Variants in ADCY8 observed in about 807,000 individuals in gnomAD.
The protein encoded by ADCY8 is adenylate cyclase type 8.
A neutral mutation model predicts 119.7 loss-of-function variants in ADCY8; 51 were observed. The ratio of observed to expected loss-of-function variants is 0.43; its 90% CI spans 0.34 to 0.54. The LOEUF is 0.54. Ranked by LOEUF, ADCY8 falls within the 20% of genes least tolerant of loss-of-function variation. The pLI is 0.03. For synonymous variants in ADCY8, 665 were observed against 651.0 expected (o/e 1.02, Z -0.33); for missense variants, 1,383 against 1,598.8 (o/e 0.87, Z 2.30).
At chr8:130,862,738 A>C (rs1279696723) in intron 9 of ADCY8, among the ~76,000 whole-genome samples, 2 of 152,182 alleles carry the variant, frequency 1.3e-5, no homozygotes, top group Non-Finnish European at 2.9e-5. Context: ...TGTCTCTTGA[A>C]ATCTTTCACT....
intron 9 of ADCY8, among the ~76,000 whole-genome samples, chr8:130,862,729 G>C (rs1817981163): frequency 6.6e-6 from 1 of 152,106 alleles, no homozygotes; most frequent in Non-Finnish European, 1.5e-5. Context: ...ATTTTTAAAT[G>C]TCTCTTGAAA....
chr8:131,014,247 T>G (rs1483597904), intron 1 of ADCY8, among the ~76,000 whole-genome samples: 1 of 152,198 alleles, frequency 6.6e-6, no homozygotes, highest in East Asian at 1.9e-4. Context: ...TTTTTCAAAT[T>G]TACTCATTTC....
chr8:130,988,370 C>T (rs963462851), intron 2 of ADCY8, among the ~76,000 whole-genome samples: 24 of 152,250 alleles, frequency 1.6e-4, no homozygotes, highest in African/African-American at 5.5e-4. Flanking sequence ...CTAAAAGAAG[C>T]CTACACAGTA....
intron 8 of ADCY8, among the ~76,000 whole-genome samples, chr8:130,876,335 G>A (rs1286072222): frequency 6.6e-6 from 1 of 152,148 alleles, no homozygotes; most frequent in East Asian, 1.9e-4. Context: ...ACAGGCATAA[G>A]TGACCACTCC....
chr8:131,002,870 A>G (rs780073272), intron 1 of ADCY8, among the ~76,000 whole-genome samples: 3 of 152,172 alleles, frequency 2.0e-5, no homozygotes, highest in Non-Finnish European at 4.4e-5. Context: ...GAATGAAAAG[A>G]AAAAGAACAG....
chr8:130,842,720 A>G (rs1300333746), intron 11 of ADCY8, among the ~76,000 whole-genome samples: 1 of 152,032 alleles, frequency 6.6e-6, no homozygotes, highest in Admixed American at 6.6e-5. Flanking sequence ...AATAATAAAA[A>G]ACTTAGCTCG....
chr8:130,877,969 C>T (rs552039354), intron 8 of ADCY8, among the ~76,000 whole-genome samples: 1 of 152,200 alleles, frequency 6.6e-6, no homozygotes, highest in East Asian at 1.9e-4. Context: ...GAGGGTCTTG[C>T]CTTGTGCAGG....
chr8:130,922,190 A>T (rs1820329053), intron 5 of ADCY8, among the ~76,000 whole-genome samples: 1 of 151,654 alleles, frequency 6.6e-6, no homozygotes, highest in South Asian at 2.1e-4. Flanking sequence ...CTAGAACTAT[A>T]AGAAATAAAT....
intron 13 of ADCY8, among the ~76,000 whole-genome samples, chr8:130,816,155 T>C (rs1036090226): frequency 6.6e-6 from 1 of 152,200 alleles, no homozygotes; most frequent in African/African-American, 2.4e-5. Flanking sequence ...AAAGACCATA[T>C]GCAAAAGGTT....
At chr8:130,820,579 TTTTC>T (rs1816477433) in intron 13 of ADCY8, among the ~76,000 whole-genome samples, 1 of 152,164 alleles carries the variant, frequency 6.6e-6, no homozygotes, top group Non-Finnish European at 1.5e-5. Context: ...TGAAGAATAA[TTTTC>T]TTTCTCGAAG....
At chr8:130,930,493 C>G (rs990745560) in intron 5 of ADCY8, among the ~76,000 whole-genome samples, 9 of 152,124 alleles carry the variant, frequency 5.9e-5, no homozygotes, top group African/African-American at 2.2e-4. Flanking sequence ...CCTCACGATC[C>G]ACCCACCTCA....
rs773146338 is a variant in ADCY8 at position 130,847,475 on chromosome 8, G to C, written c.2451C>G (p.Asn817Lys). 13 of 1,612,222 alleles carry C rather than the reference G, an allele frequency of 8.1e-6. No homozygotes were observed. In the South Asian group the frequency reaches 1.4e-4, roughly 18 times the overall value. Residue 817 changes from asparagine to lysine, a missense_variant, in exon 11 of 18, where the codon AAC becomes AAG. Transcript: ENST00000286355. ...CDFDKSIPLKNLTFNSSAVFT... is the reference protein window; with the variant it reads ...CDFDKSIPLKKLTFNSSAVFT... The stretch of plus-strand genomic sequence containing the variant: ...ACACAGCTGAGGAATTGAAAGTCAG[G>C]TTCTTCAAGGGTATCGACTTGTCAA...
chr8:130,785,506 C>T (rs1563663129), intron 15 of ADCY8, 31 bp from the exon 16 acceptor site: 1 of 1,542,908 alleles, frequency 6.5e-7, no homozygotes, highest in Admixed American at 1.9e-5. Flanking sequence ...GGTGTTAGCC[C>T]TGGTGTTTAT....
At chr8:130,839,389 G>T (rs957289953) in intron 11 of ADCY8, among the ~76,000 whole-genome samples, 22 of 139,374 alleles carry the variant, frequency 1.6e-4, no homozygotes, top group African/African-American at 5.1e-4. Context: ...AAAGTAGAAA[G>T]GTGAACCTTT....
At chr8:130,987,411 G>C (rs2090212417) in intron 2 of ADCY8, among the ~76,000 whole-genome samples, 1 of 152,082 alleles carries the variant, frequency 6.6e-6, no homozygotes, top group African/African-American at 2.4e-5. Flanking sequence ...CCATTGCTCA[G>C]CAGAGCTCCT....
chr8:130,995,402 T>C (rs1012606781), intron 1 of ADCY8, among the ~76,000 whole-genome samples: 2 of 152,180 alleles, frequency 1.3e-5, no homozygotes, highest in Admixed American at 6.5e-5. Flanking sequence ...GTCTGGGTTT[T>C]TAAACTCTAC....
chr8:130,969,331 T>C (rs1821856017), intron 2 of ADCY8, among the ~76,000 whole-genome samples: 1 of 152,182 alleles, frequency 6.6e-6, no homozygotes, highest in Non-Finnish European at 1.5e-5. Flanking sequence ...GTCTGATGGC[T>C]GTAGAATTTG....
At chr8:130,881,848 ATT>A (rs35121882) in intron 8 of ADCY8, among the ~76,000 whole-genome samples, 105 of 145,164 alleles carry the variant, frequency 7.2e-4, no homozygotes, top group Admixed American at 1.0e-3. Context: ...TTCTCTGATA[ATT>A]TTTTTTTTTT....
At chr8:130,809,119 T>A (rs1816078893) in intron 14 of ADCY8, among the ~76,000 whole-genome samples, 1 of 152,168 alleles carries the variant, frequency 6.6e-6, no homozygotes, top group Non-Finnish European at 1.5e-5. Context: ...TGCTTCTGGG[T>A]GTGAGGCCCT....
Sources: gnomAD v4.1 joint callset for allele counts (sites outside exome capture counted in the v4.1 genomes callset) on GRCh38, gnomAD v4.1.1 for gene constraint, MANE v1.5 for transcripts, NCBI Gene and HGNC (gene_info 2026-07-23, HGNC 2026-07-21) for gene names.